RGS6: variants seen among roughly 807,000 people sequenced by gnomAD.
RGS6 encodes the protein regulator of G-protein signaling 6.
RGS6 carries 30 observed loss-of-function variants against 78.5 expected under a neutral mutation model. That is an observed-to-expected ratio of 0.38 (90% CI 0.29 to 0.52). The LOEUF (loss-of-function observed/expected upper bound fraction) is 0.52, where lower values mean the gene tolerates loss of function less well. Ranked by LOEUF, RGS6 falls within the 20% of genes least tolerant of loss-of-function variation. The probability of loss-of-function intolerance (pLI) is 0.85; values close to 1 mark genes in which losing one functional copy is unlikely to be tolerated. For missense variants in RGS6, 495 were observed against 609.7 expected (o/e 0.81, Z 1.98); for synonymous variants, 206 against 206.0 (o/e 1.00, Z 0.00).
At chr14:72,305,547 G>T (rs2067047533) in intron 2 of RGS6, among the ~76,000 whole-genome samples, 1 of 151,890 alleles carries the variant, frequency 6.6e-6, no homozygotes, top group African/African-American at 2.4e-5. Context: ...TTCTTTTATG[G>T]TGATCTGTGA....
chr14:71,981,763 GGT>G (rs1484390941), intron 2 of RGS6, among the ~76,000 whole-genome samples: 2 of 150,526 alleles, frequency 1.3e-5, no homozygotes, highest in Admixed American at 6.6e-5. Flanking sequence ...TGCCCCCAGA[GGT>G]GGAGCCTACA....
At chr14:72,243,237 C>T (rs1203341892) in intron 2 of RGS6, among the ~76,000 whole-genome samples, 2 of 152,174 alleles carry the variant, frequency 1.3e-5, no homozygotes, top group Non-Finnish European at 1.5e-5. Context: ...TCATAAATAT[C>T]AGAAATTGAA....
At chr14:72,206,522 A>C (rs1241942839) in intron 2 of RGS6, among the ~76,000 whole-genome samples, 1 of 152,020 alleles carries the variant, frequency 6.6e-6, no homozygotes, top group African/African-American at 2.4e-5. Flanking sequence ...AATACCTGAG[A>C]CTGGGCAATT....
At position 72,565,155 on chromosome 14, in the gene RGS6, C is replaced by G. The variant is rs1380891438; in HGVS notation, c.*2688C>G. 2.6e-5 allele frequency: 4 copies of G among 152,312 alleles called. No individual in the cohort carries two copies. In the East Asian group the frequency reaches 7.7e-4, roughly 29 times the overall value. The allele number at this position is 152,312 out of a possible 1,614,324, so 9.4% of individuals were successfully genotyped here. On this transcript the variant is annotated 3_prime_UTR_variant, in exon 18 of 18. Coordinates refer to ENST00000553525, the MANE Select transcript of RGS6 (RefSeq NM_001204424.2). Reference sequence around the variant, plus strand: ...AAATTCCCCTACCCCGTCCCTTCCCCCTAGAAGCTGCCTTAGCCTCCCTGA... The same window carrying G: ...AAATTCCCCTACCCCGTCCCTTCCCGCTAGAAGCTGCCTTAGCCTCCCTGA...
intron 15 of RGS6, among the ~76,000 whole-genome samples, chr14:72,526,290 A>G (rs1464016194): frequency 1.3e-5 from 2 of 150,510 alleles, no homozygotes; most frequent in Admixed American, 1.3e-4. Flanking sequence ...TTTTTTTAGT[A>G]GAGTCGGGGT....
the RGS6 span, among the ~76,000 whole-genome samples, chr14:72,571,813 T>C: frequency 3.3e-5 from 5 of 152,138 alleles, no homozygotes; most frequent in African/African-American, 1.2e-4. Context: ...AATAGACAAA[T>C]TGAACTTTAA....
intron 2 of RGS6, among the ~76,000 whole-genome samples, chr14:72,245,088 C>T (rs561310981): frequency 2.6e-5 from 4 of 152,182 alleles, no homozygotes; most frequent in Non-Finnish European, 4.4e-5. Context: ...ACGATATCAG[C>T]GTTGGGGAGG....
chr14:72,402,623 C>CA (rs555209404), intron 3 of RGS6, among the ~76,000 whole-genome samples: 11 of 150,632 alleles, frequency 7.3e-5, no homozygotes, highest in Non-Finnish European at 1.0e-4. Flanking sequence ...GACAAGGATG[C>CA]AAAAAAAACC....
chr14:72,392,440 G>A (rs1318878725), intron 3 of RGS6, among the ~76,000 whole-genome samples: 2 of 152,206 alleles, frequency 1.3e-5, no homozygotes, highest in East Asian at 3.9e-4. Context: ...CTCTCTGGGT[G>A]CTATAGTTGT....
At chr14:72,512,026 G>C (rs2096884486) in intron 14 of RGS6, among the ~76,000 whole-genome samples, 1 of 152,104 alleles carries the variant, frequency 6.6e-6, no homozygotes, top group South Asian at 2.1e-4. Flanking sequence ...GGACCCAGGT[G>C]GCCTCTCTGT....
chr14:72,160,256 C>G (rs1304582755), intron 2 of RGS6, among the ~76,000 whole-genome samples: 1 of 152,138 alleles, frequency 6.6e-6, no homozygotes, highest in East Asian at 1.9e-4. Flanking sequence ...TTAACAAATC[C>G]AGTGTGCTTT....
At chr14:71,950,684 T>C (rs2092209943) in intron 1 of RGS6, among the ~76,000 whole-genome samples, 1 of 152,186 alleles carries the variant, frequency 6.6e-6, no homozygotes, top group African/African-American at 2.4e-5. Flanking sequence ...AAAGATCTAA[T>C]ATCCAGAGTC....
At chr14:72,529,653 C>CCG (rs963589751) in intron 15 of RGS6, among the ~76,000 whole-genome samples, 12 of 152,124 alleles carry the variant, frequency 7.9e-5, no homozygotes, top group African/African-American at 2.9e-4. Flanking sequence ...ACCAGACCCC[C>CCG]CCCTCCCTGC....
intron 2 of RGS6, among the ~76,000 whole-genome samples, chr14:72,301,428 T>C (rs1567701308): frequency 6.6e-6 from 1 of 152,214 alleles, no homozygotes; most frequent in Non-Finnish European, 1.5e-5. Flanking sequence ...GAAGGATTTT[T>C]TTTTTTAGTT....
At chr14:72,489,704 G>A (rs1489949038) in intron 12 of RGS6, among the ~76,000 whole-genome samples, 1 of 138,972 alleles carries the variant, frequency 7.2e-6, no homozygotes, top group Non-Finnish European at 1.5e-5. Context: ...AAACTGGAAG[G>A]AAAAGAAAGG....
intron 2 of RGS6, among the ~76,000 whole-genome samples, chr14:72,218,478 T>C (rs2046100983): frequency 6.6e-6 from 1 of 152,148 alleles, no homozygotes; most frequent in South Asian, 2.1e-4. Flanking sequence ...TAAATTAATA[T>C]GTTGTATCAG....
chr14:72,494,766 G>C (rs1566978686), intron 12 of RGS6, among the ~76,000 whole-genome samples: 1 of 152,210 alleles, frequency 6.6e-6, no homozygotes, highest in Non-Finnish European at 1.5e-5. Context: ...TGGAGCTGTA[G>C]TGTCTTTTGT....
intron 15 of RGS6, among the ~76,000 whole-genome samples, chr14:72,530,874 C>T (rs1220405596): frequency 3.9e-5 from 6 of 152,188 alleles, no homozygotes; most frequent in African/African-American, 1.2e-4. Context: ...CAGTCATAAA[C>T]CCAAGCAAGT....
the RGS6 span, chr14:72,619,402 T>G: frequency 6.5e-7 from 1 of 1,530,244 alleles, no homozygotes; most frequent in Non-Finnish European, 8.8e-7. Context: ...TAGCAGCCCC[T>G]CTGCTAACTC....
Sources: gnomAD v4.1 joint callset for allele counts (sites outside exome capture counted in the v4.1 genomes callset) on GRCh38, gnomAD v4.1.1 for gene constraint, MANE v1.5 for transcripts, NCBI Gene and HGNC (gene_info 2026-07-23, HGNC 2026-07-21) for gene names.